The following PLXNA4 variants were observed in gnomAD, a reference collection of about 807,000 sequenced individuals.
PLXNA4 encodes plexin-A4.
PLXNA4 carries 44 observed loss-of-function variants against 191.8 expected under a neutral mutation model. That is an observed-to-expected ratio of 0.23 (90% CI 0.18 to 0.29). PLXNA4 has a LOEUF of 0.29. Ranked by LOEUF, PLXNA4 falls within the 10% of genes least tolerant of loss-of-function variation. PLXNA4 has a pLI of 1.00. For synonymous variants in PLXNA4, 1,082 were observed against 1,009.5 expected, an observed-to-expected ratio of 1.07 and a Z score of -1.36; for missense variants, 1,800 against 2,488.8, an observed-to-expected ratio of 0.72 and a Z score of 5.89.
chr7:132,238,357 C>A (rs1415099985), intron 5 of PLXNA4, among the ~76,000 whole-genome samples: 1 of 152,106 alleles, frequency 6.6e-6, no homozygotes, highest in Non-Finnish European at 1.5e-5. Context: ...CGTGTTCCAG[C>A]GACTTTATGG....
intron 3 of PLXNA4, among the ~76,000 whole-genome samples, chr7:132,299,970 G>A (rs976818895): frequency 6.6e-6 from 1 of 152,180 alleles, no homozygotes; most frequent in Admixed American, 6.5e-5. Flanking sequence ...ACCAGGGCAG[G>A]TCAAACACAG....
chr7:132,311,623 G>A (rs919445962), intron 3 of PLXNA4, among the ~76,000 whole-genome samples: 1 of 152,010 alleles, frequency 6.6e-6, no homozygotes, highest in Non-Finnish European at 1.5e-5. Context: ...CCTCACTCAG[G>A]GCTATCTCAT....
chr7:132,434,565 AT>A (rs1459383025), intron 3 of PLXNA4, among the ~76,000 whole-genome samples: 11 of 152,140 alleles, frequency 7.2e-5, no homozygotes, highest in African/African-American at 2.7e-4. Flanking sequence ...GACTACAACT[AT>A]TGCTTTCTTT....
chr7:132,291,761 T>C (rs1800900710), intron 4 of PLXNA4, among the ~76,000 whole-genome samples: 1 of 152,180 alleles, frequency 6.6e-6, no homozygotes, highest in Admixed American at 6.5e-5. Flanking sequence ...TTTCAGCATA[T>C]GGAATGAGGA....
chr7:132,166,367 T>TTTTTTTTTTTTTTTTTTTTTTTTTTTGAG (rs1796122855), intron 22 of PLXNA4, among the ~76,000 whole-genome samples: 1 of 132,928 alleles, frequency 7.5e-6, no homozygotes, highest in Non-Finnish European at 1.8e-5. Flanking sequence ...TCTACTCTTT[T>TTTTTTTTTTTTTTTTTTTTTTTTTTTGAG]ACTTTGGAAG....
chr7:132,643,713 G>A (rs1011787726), intron 2 of PLXNA4, among the ~76,000 whole-genome samples: 1 of 152,126 alleles, frequency 6.6e-6, no homozygotes, highest in Admixed American at 6.5e-5. Flanking sequence ...GACTTTGAGA[G>A]GCCAAGGTGA....
Position 132,202,647 on chromosome 7 carries a change from T to C in PLXNA4, c.2585A>G (p.Glu862Gly). The C allele has an allele frequency of 6.7e-7, 1 of 1,499,810 alleles. No homozygotes were observed. Among genetic ancestry groups the C allele is most frequent in the African/African-American group, 1.4e-5 (1 of 71,192 alleles). The allele number at this position is 1,499,810 out of a possible 1,614,324, so 92.9% of individuals were successfully genotyped here. A position where few individuals can be genotyped will look rare whatever the true frequency, so the allele number is the denominator to read the frequency against. ...GCAGGAGGCCCGACCCCGGCTTACC[T>C]CTGTGATGCGGGGGTTTGTGCACTT... Reference protein sequence around the residue: ...KSKCTNPRITEIIPVTGPREG... With the variant: ...KSKCTNPRITGIIPVTGPREG... Residue 862 changes from glutamate (E) to glycine (G), a missense_variant and splice_region_variant, in exon 12 of 32, where the codon GAG becomes GGG. Glu to Gly is a moderately conservative substitution (Grantham distance 98). Around this residue, in one of 6 missense-constraint regions of PLXNA4, gnomAD observed 1,397 missense variants for 1,880.4 expected, o/e 0.74. Coordinates refer to ENST00000321063, the MANE Select transcript of PLXNA4 (RefSeq NM_020911.2).
intron 4 of PLXNA4, among the ~76,000 whole-genome samples, chr7:132,264,722 G>C (rs1799783289): frequency 6.8e-6 from 1 of 146,438 alleles, no homozygotes; most frequent in Admixed American, 7.0e-5. Flanking sequence ...TTTGTAGACA[G>C]AGTCTCACTG....
chr7:132,194,753 T>G (rs1797201000), intron 13 of PLXNA4, among the ~76,000 whole-genome samples: 1 of 152,118 alleles, frequency 6.6e-6, no homozygotes, highest in Non-Finnish European at 1.5e-5. Context: ...TTCTAAAAAT[T>G]TTTATTGCTT....
chr7:132,473,762 G>A (rs1315634531), intron 3 of PLXNA4, among the ~76,000 whole-genome samples: 6 of 151,988 alleles, frequency 3.9e-5, no homozygotes, highest in Non-Finnish European at 5.9e-5. Flanking sequence ...ACAAGGGCTA[G>A]GAAGCTAATA....
At chr7:132,343,762 C>T (rs1183675583) in intron 3 of PLXNA4, among the ~76,000 whole-genome samples, 1 of 152,100 alleles carries the variant, frequency 6.6e-6, no homozygotes, top group Non-Finnish European at 1.5e-5. Context: ...CTACAGAATA[C>T]AAAACTTAGC....
chr7:132,124,166 G>A lies in PLXNA4; in HGVS notation c.*6313C>T, dbSNP rs1794708462. 1 of 152,230 alleles carries A rather than the reference G, an allele frequency of 6.6e-6. No individual in the cohort carries two copies. Among genetic ancestry groups the A allele is most frequent in the Non-Finnish European group, 1.5e-5 (1 of 68,050 alleles). The allele number at this position is 152,230 out of a possible 1,614,324, so 9.4% of individuals were successfully genotyped here. A position where few individuals can be genotyped will look rare whatever the true frequency, so the allele number is the denominator to read the frequency against. ...CCAGGCCAAGGTAGGGAGTGGTGAG[G>A]GGAGGGCTGTCCATTCTAAAACACA... On this transcript the variant is annotated 3_prime_UTR_variant, in exon 32 of 32. Coordinates refer to ENST00000321063, the MANE Select transcript of PLXNA4 (RefSeq NM_020911.2).
At chr7:132,141,734 T>A (rs1460486659) in intron 29 of PLXNA4, among the ~76,000 whole-genome samples, 2 of 151,992 alleles carry the variant, frequency 1.3e-5, no homozygotes, top group Non-Finnish European at 2.9e-5. Context: ...TTCCTTTCTT[T>A]CTTTTTCTTT....
At chr7:132,265,110 A>T (rs147670129) in intron 4 of PLXNA4, among the ~76,000 whole-genome samples, 29 of 152,338 alleles carry the variant, frequency 1.9e-4, no homozygotes, top group African/African-American at 6.7e-4. Flanking sequence ...AATTAGGAAT[A>T]GTGAGCGGGA....
At position 132,183,558 on chromosome 7, in the gene PLXNA4, T is replaced by C. The variant is rs570387448; in HGVS notation, c.3159-1368A>G. Among the ~76,000 whole-genome samples the C allele has an allele frequency of 3.3e-5, 5 of 152,340 alleles. No homozygotes were observed. In the South Asian group the frequency reaches 1.0e-3, roughly 32 times the overall value. On this transcript the variant is annotated intron_variant, in intron 16 of 31. Coordinates refer to ENST00000321063, the MANE Select transcript of PLXNA4 (RefSeq NM_020911.2). ...GTGCCAGTTAGGGTGACACCTCTAT[T>C]TCTATGAGGATGACACAAAGAAGAA...
At chr7:132,529,710 A>C (rs1351760173) in intron 1 of PLXNA4, among the ~76,000 whole-genome samples, 3 of 149,100 alleles carry the variant, frequency 2.0e-5, no homozygotes, top group Non-Finnish European at 4.4e-5. Context: ...GGTCCATGTC[A>C]TTCTCCTGCC....
intron 1 of PLXNA4, among the ~76,000 whole-genome samples, chr7:132,522,170 C>T (rs1430579607): frequency 2.0e-5 from 3 of 152,136 alleles, no homozygotes; most frequent in Non-Finnish European, 4.4e-5. Flanking sequence ...ACACAGCATG[C>T]TCCATGCAGA....
chr7:132,452,842 AT>A (rs1319092624), intron 3 of PLXNA4, among the ~76,000 whole-genome samples: 2 of 152,192 alleles, frequency 1.3e-5, no homozygotes, highest in Non-Finnish European at 2.9e-5. Context: ...TCCATTGGCT[AT>A]GACCTTGGGT....
At chr7:132,262,314 C>T (rs1251792598) in intron 4 of PLXNA4, among the ~76,000 whole-genome samples, 10 of 152,182 alleles carry the variant, frequency 6.6e-5, no homozygotes. Context: ...GCTCCCTGCT[C>T]CAATATTCAT....
Sources: gnomAD v4.1 joint callset for allele counts (sites outside exome capture counted in the v4.1 genomes callset) on GRCh38, gnomAD v4.1.1 for gene constraint, gnomAD v4.1.1 regional missense constraint, MANE v1.5 for transcripts, NCBI Gene and HGNC (gene_info 2026-07-23, HGNC 2026-07-21) for gene names.